Variants in CTNND2 observed in about 807,000 individuals in gnomAD.
The protein encoded by CTNND2 is catenin delta 2.
A neutral mutation model predicts 144.4 loss-of-function variants in CTNND2; 22 were observed. The ratio of observed to expected loss-of-function variants is 0.15; its 90% CI spans 0.11 to 0.22. CTNND2 has a LOEUF of 0.22. CTNND2 is among the 10% of genes least tolerant of loss of function. The pLI is 1.00. For synonymous variants in CTNND2, 751 were observed against 695.6 expected (o/e 1.08, Z -1.25); for missense variants, 1,353 against 1,618.8 (o/e 0.84, Z 2.82).
chr5:11,856,529 G>A (rs1795258132), intron 1 of CTNND2, among the ~76,000 whole-genome samples: 1 of 152,186 alleles, frequency 6.6e-6, no homozygotes, highest in African/African-American at 2.4e-5. Context: ...CTAGAAACAG[G>A]AAGAAAAGGT....
At chr5:11,034,575 T>G (rs1016443427) in intron 16 of CTNND2, among the ~76,000 whole-genome samples, 8 of 152,124 alleles carry the variant, frequency 5.3e-5, no homozygotes, top group African/African-American at 1.9e-4. Context: ...ACAAAAACAA[T>G]ATATCAGACT....
intron 3 of CTNND2, among the ~76,000 whole-genome samples, chr5:11,536,502 A>G (rs1475437240): frequency 6.6e-6 from 1 of 152,242 alleles, no homozygotes; most frequent in Non-Finnish European, 1.5e-5. Context: ...ACAAGTGGAT[A>G]AAGAAAATGT....
At chr5:11,575,017 T>C (rs922605936) in intron 2 of CTNND2, among the ~76,000 whole-genome samples, 4 of 152,222 alleles carry the variant, frequency 2.6e-5, no homozygotes, top group African/African-American at 9.6e-5. Flanking sequence ...TTTACAGTGA[T>C]GAATCACATT....
chr5:10,991,369 G>A (rs1738658782), intron 19 of CTNND2, among the ~76,000 whole-genome samples: 1 of 152,232 alleles, frequency 6.6e-6, no homozygotes, highest in South Asian at 2.1e-4. Flanking sequence ...GGGCAGAGAA[G>A]AGTAGGAAGA....
At chr5:11,801,206 A>C (rs185841577) in intron 1 of CTNND2, among the ~76,000 whole-genome samples, 71 of 152,322 alleles carry the variant, frequency 4.7e-4, no homozygotes, top group Middle Eastern at 6.8e-3. Context: ...GTACCAGTTA[A>C]GCATGGAGGT....
At chr5:11,572,290 G>A (rs1230317181) in intron 2 of CTNND2, among the ~76,000 whole-genome samples, 1 of 152,110 alleles carries the variant, frequency 6.6e-6, no homozygotes, top group African/African-American at 2.4e-5. Flanking sequence ...TCATGTTCCT[G>A]TTTAGAAAGA....
In CTNND2 at chr5:11,704,139, C is replaced by A. The variant is rs557214682; in HGVS notation, c.174+27997G>T. Among the ~76,000 whole-genome samples, 7 of 152,288 alleles carry A rather than the reference C, an allele frequency of 4.6e-5. No homozygotes were observed. In the South Asian group the frequency reaches 1.4e-3, roughly 32 times the overall value. ...GACTAGAAGACTAGATGTAGTCAAG[C>A]TTATTTGAAATTAATTATCTAAGAA... On this transcript the variant is annotated intron_variant, in intron 2 of 21. Coordinates refer to ENST00000304623, the MANE Select transcript of CTNND2 (RefSeq NM_001332.4).
At chr5:11,128,498 T>C (rs1754912016) in intron 12 of CTNND2, among the ~76,000 whole-genome samples, 1 of 151,034 alleles carries the variant, frequency 6.6e-6, no homozygotes, top group African/African-American at 2.4e-5. Context: ...TTTTAAGTCA[T>C]GGAATTTGTG....
At chr5:11,676,499 A>C (rs1442015884) in intron 2 of CTNND2, among the ~76,000 whole-genome samples, 1 of 152,016 alleles carries the variant, frequency 6.6e-6, no homozygotes, top group Non-Finnish European at 1.5e-5. Flanking sequence ...AGAGATGAGC[A>C]TTTATGAGTG....
intron 1 of CTNND2, among the ~76,000 whole-genome samples, chr5:11,887,498 T>A (rs1327565537): frequency 6.9e-6 from 1 of 144,650 alleles, no homozygotes; most frequent in Non-Finnish European, 1.5e-5. Flanking sequence ...TTTAAAAACT[T>A]TGAGCAAGCA....
At chr5:11,670,778 T>C (rs1038189952) in intron 2 of CTNND2, among the ~76,000 whole-genome samples, 1 of 152,208 alleles carries the variant, frequency 6.6e-6, no homozygotes, top group Non-Finnish European at 1.5e-5. Flanking sequence ...CGTTTATATT[T>C]AATGTTAATA....
chr5:11,769,451 A>G (rs1270993288), intron 1 of CTNND2, among the ~76,000 whole-genome samples: 1 of 152,228 alleles, frequency 6.6e-6, no homozygotes, highest in Non-Finnish European at 1.5e-5. Flanking sequence ...TTAATATTGT[A>G]TTTGAGCAAT....
intron 12 of CTNND2, among the ~76,000 whole-genome samples, chr5:11,125,796 A>C (rs145804532): frequency 2.0e-5 from 3 of 152,280 alleles, no homozygotes; most frequent in Admixed American, 2.0e-4. Context: ...TGATGTCCAC[A>C]CTCTTCGCTT....
At chr5:11,645,144 T>C (rs978316133) in intron 2 of CTNND2, among the ~76,000 whole-genome samples, 1 of 152,006 alleles carries the variant, frequency 6.6e-6, no homozygotes, top group African/African-American at 2.4e-5. Flanking sequence ...TTTTTAACTT[T>C]TTCTAGAGAC....
chr5:11,700,382 TCCATCTCCAA>T (rs1785373345), intron 2 of CTNND2, among the ~76,000 whole-genome samples: 1 of 152,080 alleles, frequency 6.6e-6, no homozygotes, highest in African/African-American at 2.4e-5. Flanking sequence ...AGAGTGAGAC[TCCATCTCCAA>T]ACAAACAAAC....
chr5:11,741,296 T>C (rs937754049), intron 1 of CTNND2, among the ~76,000 whole-genome samples: 16 of 152,118 alleles, frequency 1.1e-4, no homozygotes, highest in Admixed American at 9.2e-4. Context: ...CTATGCACAA[T>C]AGCAAAGACT....
chr5:11,786,843 C>T (rs777587490), intron 1 of CTNND2, among the ~76,000 whole-genome samples: 6 of 152,202 alleles, frequency 3.9e-5, no homozygotes, highest in African/African-American at 1.2e-4. Flanking sequence ...GGTTTACCCA[C>T]ATTTTCATTT....
At chr5:11,780,189 C>T (rs549654163) in intron 1 of CTNND2, among the ~76,000 whole-genome samples, 4 of 152,274 alleles carry the variant, frequency 2.6e-5, no homozygotes, top group South Asian at 2.1e-4. Flanking sequence ...AGTCACACAC[C>T]GTGTCATCCC....
intron 9 of CTNND2, among the ~76,000 whole-genome samples, chr5:11,277,964 G>A (rs991904053): frequency 2.0e-5 from 3 of 152,134 alleles, no homozygotes; most frequent in African/African-American, 7.2e-5. Context: ...TTGCTGCAAA[G>A]CCTCTTGTCT....
Sources: gnomAD v4.1 joint callset for allele counts (sites outside exome capture counted in the v4.1 genomes callset) on GRCh38, gnomAD v4.1.1 for gene constraint, MANE v1.5 for transcripts, NCBI Gene and HGNC (gene_info 2026-07-23, HGNC 2026-07-21) for gene names.